The following RNPEP variants were observed in gnomAD, a reference collection of about 807,000 sequenced individuals.
RNPEP encodes the protein aminopeptidase B.
A neutral mutation model predicts 70.1 loss-of-function variants in RNPEP; 57 were observed. The ratio of observed to expected loss-of-function variants is 0.81; its 90% CI spans 0.66 to 1.01. The LOEUF is 1.01. Among genes scored for constraint, RNPEP ranks in the 50% least tolerant of loss-of-function variants. The pLI is 0.00. For missense variants in RNPEP, 787 were observed against 852.4 expected (o/e 0.92, Z 0.96); for synonymous variants, 335 against 357.4 (o/e 0.94, Z 0.71).
chr1:201,991,713 T>C (rs1683341432), intron 3 of RNPEP, among the ~76,000 whole-genome samples: 1 of 152,114 alleles, frequency 6.6e-6, no homozygotes, highest in Admixed American at 6.6e-5. Context: ...ATACTACAGG[T>C]AGTGAGATTG....
intron 1 of RNPEP, among the ~76,000 whole-genome samples, chr1:201,986,768 G>A (rs185460211): frequency 4.2e-4 from 63 of 151,754 alleles, no homozygotes; most frequent in African/African-American, 1.4e-3. Context: ...TTGAACTCCC[G>A]ACCTCAGGTG....
At chr1:201,985,180 G>A (rs1683091337) in intron 1 of RNPEP, among the ~76,000 whole-genome samples, 4 of 135,432 alleles carry the variant, frequency 3.0e-5, no homozygotes, top group South Asian at 2.6e-4. Flanking sequence ...GTGACACAGC[G>A]AGGCTCCATC....
chr1:201,994,065 GC>G (rs1402555763), intron 3 of RNPEP, among the ~76,000 whole-genome samples: 1 of 151,946 alleles, frequency 6.6e-6, no homozygotes, highest in Non-Finnish European at 1.5e-5. Flanking sequence ...TTTTTCTTCT[GC>G]CCCCATTGAC....
Position 201,983,196 on chromosome 1 carries a change from CGGGAGGAGGGACA to C in RNPEP, c.447+91_447+103del, listed in dbSNP as rs59993084. The C allele has an allele frequency of 9.1e-3, 12,852 of 1,414,054 alleles. 911 individuals are homozygous for C. The African/African-American group carries it at 0.16, about 18-fold the overall frequency. 87.6% of individuals were successfully genotyped at this position (1,414,054 alleles called of 1,614,324 possible). The stretch of plus-strand genomic sequence containing the variant: ...GCCCTGCACCCTCACCTACCCCACC[CGGGAGGAGGGACA>C]GGGAGGACCCTTCCAGAGCGTCCCT... On this transcript the variant is annotated intron_variant, in intron 1 of 10. Coordinates refer to ENST00000295640, the MANE Select transcript of RNPEP (RefSeq NM_020216.4).
Position 201,984,821 on chromosome 1 carries a change from C to CTTTTTTTTTTT in RNPEP, c.447+1734_447+1744dup, listed in dbSNP as rs200795347. On this transcript the variant is annotated intron_variant, in intron 1 of 10. Transcript: ENST00000295640. The stretch of plus-strand genomic sequence containing the variant: ...TTACTGCTAACTTTTGTATTTCTTT[C>CTTTTTTTTTTT]TTTTTTTTTTTTTTTTTTTTTTTTT... Among the ~76,000 whole-genome samples, 24 of 122,018 alleles carry CTTTTTTTTTTT rather than the reference C, an allele frequency of 2.0e-4. 1 individual carries two copies. The highest frequency in any genetic ancestry group is 4.8e-4 in the East Asian group (2 of 4,184). 80.0% of individuals were successfully genotyped at this position (122,018 alleles called of 152,430 possible).
Position 201,982,803 on chromosome 1 carries a change from A to T in RNPEP, c.137A>T (p.Glu46Val). 1 of 1,337,988 alleles carries T rather than the reference A, an allele frequency of 7.5e-7. No individual in the cohort carries two copies. The allele number at this position is 1,337,988 out of a possible 1,614,324, so 82.9% of individuals were successfully genotyped here. A position where few individuals can be genotyped will look rare whatever the true frequency, so the allele number is the denominator to read the frequency against. Reference sequence around the variant, plus strand: ...CACTTGCACCTGGACCTGCGGGCTGAGTTCGGGCCTCCAGGGCCCGGCGCA... The same window carrying T: ...CACTTGCACCTGGACCTGCGGGCTGTGTTCGGGCCTCCAGGGCCCGGCGCA... The part of the protein sequence containing the change: ...LLHLHLDLRA[E>V]FGPPGPGAGS... The change falls in exon 1 of 11, where the codon GAG becomes GTG. Residue 46 changes from glutamate to valine, a missense_variant. By Grantham distance (121) the Glu-to-Val change is moderately radical. Transcript: ENST00000295640.
intron 6 of RNPEP, among the ~76,000 whole-genome samples, chr1:202,000,706 C>T (rs1036226539): frequency 6.6e-5 from 10 of 151,962 alleles, no homozygotes; most frequent in African/African-American, 2.4e-4. Context: ...ACCAGCCTAG[C>T]CAATATGGAG....
intron 3 of RNPEP, among the ~76,000 whole-genome samples, chr1:201,995,462 C>T (rs1683511700): frequency 6.6e-6 from 1 of 151,872 alleles, no homozygotes; most frequent in South Asian, 2.1e-4. Flanking sequence ...GCAGGTGAAT[C>T]ACTTGAGCCC....
At chr1:202,002,613 G>C (rs771043341) in intron 8 of RNPEP, among the ~76,000 whole-genome samples, 7 of 152,222 alleles carry the variant, frequency 4.6e-5, no homozygotes, top group Non-Finnish European at 7.3e-5. Flanking sequence ...CGCGTCCTCT[G>C]ACAGTAGGAT....
In RNPEP at chr1:202,003,307, C is replaced by G. The variant is rs1307823876; in HGVS notation, c.1497C>G (p.Asp499Glu). Residue 499 changes from aspartate (D) to glutamate (E), a missense_variant, in exon 9 of 11, where the codon GAC becomes GAG. Coordinates refer to ENST00000295640, the MANE Select transcript of RNPEP (RefSeq NM_020216.4). ...PPYLPDLSPG[D>E]SLMKPAEELA... ...ACCTCCCTGATCTCTCCCCTGGGGACTCACTCATGAAGCCTGCTGAAGAGC... is the reference window on the plus strand; with the variant it reads ...ACCTCCCTGATCTCTCCCCTGGGGAGTCACTCATGAAGCCTGCTGAAGAGC... The G allele has an allele frequency of 6.2e-7, 1 of 1,614,040 alleles. No individual in the cohort carries two copies. Among genetic ancestry groups the G allele is most frequent in the African/African-American group, 1.3e-5 (1 of 74,904 alleles).
chr1:202,004,696 A>G (rs1394563509), intron 10 of RNPEP, among the ~76,000 whole-genome samples, 200 bp downstream of exon 10: 2 of 152,350 alleles, frequency 1.3e-5, no homozygotes, highest in Non-Finnish European at 1.5e-5. Flanking sequence ...GGAGGCCTGC[A>G]GGCTTGCAGT....
chr1:201,996,401 G>T, intron 4 of RNPEP, 138 bp downstream of exon 4: 1 of 713,410 alleles, frequency 1.4e-6, no homozygotes, highest in Non-Finnish European at 2.5e-6. Flanking sequence ...AGAGGAGGAA[G>T]AGAGGAGGGT....
chr1:202,005,674 T>G lies in RNPEP; in HGVS notation c.1911T>G (p.Val637=). The G allele has an allele frequency of 1.2e-6, 2 of 1,614,226 alleles. No homozygotes were observed. The highest frequency in any genetic ancestry group is 1.7e-6 in the Non-Finnish European group (2 of 1,180,034). The change falls in exon 11 of 11, where the codon GTT becomes GTG. Residue 637 remains valine, a synonymous_variant. Transcript: ENST00000295640. ...CCGCCTCCCAGCTCCACAGCAATGT[T>G]GTCAACTATGTCCAGCAGATCGTGG... ...ASTASQLHSN[V]VNYVQQIVAP...
intron 1 of RNPEP, among the ~76,000 whole-genome samples, chr1:201,985,756 C>G (rs1051871548): frequency 6.6e-6 from 1 of 152,068 alleles, no homozygotes; most frequent in Non-Finnish European, 1.5e-5. Flanking sequence ...ATTAATAAAC[C>G]AGTACCGATA....
At chr1:201,987,137 ACT>A (rs1683157134) in intron 1 of RNPEP, among the ~76,000 whole-genome samples, 1 of 151,278 alleles carries the variant, frequency 6.6e-6, no homozygotes, top group African/African-American at 2.4e-5. Flanking sequence ...TGCCTCCCCA[ACT>A]CTGCATCTGG....
intron 2 of RNPEP, 112 bp from the exon 3 acceptor site, chr1:201,989,271 A>T (rs1683238013): frequency 1.5e-6 from 2 of 1,350,878 alleles, no homozygotes; most frequent in African/African-American, 1.5e-5. Flanking sequence ...GTTCTCCAAG[A>T]TAGACTCCAG....
intron 4 of RNPEP, 74 bp downstream of exon 4, chr1:201,996,337 C>A: frequency 2.9e-6 from 3 of 1,048,372 alleles, no homozygotes; most frequent in Middle Eastern, 2.0e-4. Flanking sequence ...CTTCGTGTGG[C>A]TTTTCCACCT....
chr1:201,990,794 C>T (rs1300620597), intron 3 of RNPEP, among the ~76,000 whole-genome samples: 1 of 152,156 alleles, frequency 6.6e-6, no homozygotes. Context: ...TCCTAATAGG[C>T]AGGGCGGGAA....
intron 1 of RNPEP, chr1:201,983,591 G>C (rs1336830328): frequency 7.7e-7 from 1 of 1,292,220 alleles, no homozygotes; most frequent in African/African-American, 1.5e-5. Flanking sequence ...CTAGCTCTTT[G>C]TTCTGTGTTG....
Sources: allele counts gnomAD v4.1 joint callset (sites outside exome capture counted in the v4.1 genomes callset), GRCh38; gene constraint gnomAD v4.1.1; transcripts MANE v1.5; gene names NCBI Gene and HGNC (gene_info 2026-07-23, HGNC 2026-07-21).